Variants in LRRC28 observed in about 807,000 individuals in gnomAD.
LRRC28 encodes leucine rich repeat containing 28.
A neutral mutation model predicts 45.7 loss-of-function variants in LRRC28; 39 were observed. The ratio of observed to expected loss-of-function variants is 0.85; its 90% CI spans 0.66 to 1.12. The LOEUF (loss-of-function observed/expected upper bound fraction) is 1.12. Among genes scored for constraint, LRRC28 ranks in the 50% most tolerant of loss-of-function variants. LRRC28 has a pLI of 0.00. For missense variants in LRRC28, 435 were observed against 438.5 expected (o/e 0.99, Z 0.07); for synonymous variants, 206 against 178.8 (o/e 1.15, Z -1.22).
intron 9 of LRRC28, among the ~76,000 whole-genome samples, chr15:99,377,809 C>G (rs1378069856): frequency 3.9e-5 from 6 of 152,190 alleles, no homozygotes; most frequent in East Asian, 1.9e-4. Flanking sequence ...AATCCTTTCC[C>G]CATTTCTTGT....
rs537775315 is a variant in LRRC28, at chr15:99,262,544, T to A, written c.168+6419T>A. The stretch of plus-strand genomic sequence containing the variant: ...TTGCAGTGAGCTGCAATTGTGCCAC[T>A]GCACGCCAGCCTGGACAACAGAGTG... On this transcript the variant is annotated intron_variant, in intron 2 of 9. Transcript: ENST00000301981. 2.6e-5 allele frequency among the ~76,000 whole-genome samples: 4 copies of A among 152,318 alleles called. No homozygotes were observed. The South Asian group carries it at 8.3e-4, about 32-fold the overall frequency.
At position 99,334,085 on chromosome 15, in the gene LRRC28, A is replaced by G. The variant is rs745644243; in HGVS notation, c.548A>G (p.Asn183Ser). ...CATCTCTGCCAGCTGCCCAGCCTCA[A>G]TGAGCTCTCCATGGCTGGAAACCGT... Reference protein sequence around the residue: ...PRHLCQLPSLNELSMAGNRLA... With the variant: ...PRHLCQLPSLSELSMAGNRLA... Residue 183 changes from asparagine to serine, a missense_variant, in exon 6 of 10, where the codon AAT (asparagine) becomes AGT (serine). Physicochemically the swap from Asn to Ser is conservative, Grantham distance 46 (BLOSUM62 1). Coordinates refer to ENST00000301981, the MANE Select transcript of LRRC28 (RefSeq NM_144598.5). 16 of 1,614,022 alleles carry G rather than the reference A, an allele frequency of 9.9e-6. No homozygotes were observed. The highest frequency in any genetic ancestry group is 1.6e-4 in the Middle Eastern group (1 of 6,084).
Position 99,387,703 on chromosome 15 carries a change from T to C in LRRC28, c.*1601T>C, listed in dbSNP as rs1400182113. On this transcript the variant is annotated 3_prime_UTR_variant, in exon 10 of 10. Transcript: ENST00000301981. ...GTGATTCTTTTTTTAAAATGTTTTT[T>C]AATGATGTAAGTTTTCTAAAAGGCA... The C allele has an allele frequency of 2.6e-5, 4 of 152,252 alleles. No individual in the cohort carries two copies. The highest frequency in any genetic ancestry group is 4.8e-5 in the African/African-American group (2 of 41,470). The allele number at this position is 152,252 out of a possible 1,614,324, so 9.4% of individuals were successfully genotyped here.
chr15:99,285,173 T>A, intron 3 of LRRC28: 1 of 726,084 alleles, frequency 1.4e-6, no homozygotes, highest in South Asian at 1.3e-5. Context: ...CAGTCAGTCA[T>A]GATTTCAATC....
chr15:99,347,445 G>A (rs948410868), intron 6 of LRRC28, among the ~76,000 whole-genome samples: 3 of 152,166 alleles, frequency 2.0e-5, no homozygotes, highest in Non-Finnish European at 4.4e-5. Context: ...CTGACCTCGT[G>A]ATCTGCCCGC....
intron 5 of LRRC28, among the ~76,000 whole-genome samples, chr15:99,321,970 A>G (rs1404507972): frequency 6.6e-6 from 1 of 152,226 alleles, no homozygotes; most frequent in Non-Finnish European, 1.5e-5. Flanking sequence ...GCTTGAAGTC[A>G]GGGAAGGCCT....
chr15:99,366,237 T>C (rs1957336880), intron 9 of LRRC28, among the ~76,000 whole-genome samples: 1 of 152,222 alleles, frequency 6.6e-6, no homozygotes. Context: ...GGGAGGGATC[T>C]GTTCCAGGCC....
At chr15:99,315,564 A>G (rs539540154) in intron 5 of LRRC28, among the ~76,000 whole-genome samples, 81 of 152,328 alleles carry the variant, frequency 5.3e-4, no homozygotes, top group Admixed American at 1.2e-3. Context: ...AGAGACTCAT[A>G]TGCTGTCCAT....
At position 99,386,144 on chromosome 15, in the gene LRRC28, G is replaced by A. The variant is rs768575343; in HGVS notation, c.*42G>A. ...TCAGGAGCGCTGCCAGCTTGACACT[G>A]GGGAATCCAGCCAGTCCAGCACACT... On this transcript the variant is annotated 3_prime_UTR_variant, in exon 10 of 10. Coordinates refer to ENST00000301981, the MANE Select transcript of LRRC28 (RefSeq NM_144598.5). The A allele has an allele frequency of 6.0e-6, 9 of 1,495,102 alleles. No individual in the cohort carries two copies. The highest frequency in any genetic ancestry group is 2.8e-5 in the African/African-American group (2 of 72,420). 92.6% of individuals were successfully genotyped at this position (1,495,102 alleles called of 1,614,324 possible).
Position 99,256,034 on chromosome 15 carries a change from A to T in LRRC28, c.77A>T (p.Asn26Ile). ...KHKNLFLNYRNLHHFPLELLK... is the reference protein window; with the variant it reads ...KHKNLFLNYRILHHFPLELLK... ...AAGAATTTGTTCTTAAATTATAGGA[A>T]TCTGCACCATTTTCCATTGGAGTTA... Residue 26 changes from asparagine (N) to isoleucine (I), a missense_variant, in exon 2 of 10, where the codon AAT becomes ATT. Physicochemically the swap from Asn to Ile is moderately radical, Grantham distance 149. Coordinates refer to ENST00000301981, the MANE Select transcript of LRRC28 (RefSeq NM_144598.5). 1 of 1,613,910 alleles carries T rather than the reference A, an allele frequency of 6.2e-7. No individual in the cohort carries two copies. The highest frequency in any genetic ancestry group is 8.5e-7 in the Non-Finnish European group (1 of 1,179,996).
intron 5 of LRRC28, among the ~76,000 whole-genome samples, chr15:99,307,875 A>T (rs923542168): frequency 6.6e-6 from 1 of 152,178 alleles, no homozygotes; most frequent in African/African-American, 2.4e-5. Flanking sequence ...TCCATTCTGG[A>T]TGTGAGGGGA....
chr15:99,256,844 T>G (rs935271901), intron 2 of LRRC28, among the ~76,000 whole-genome samples: 2 of 152,246 alleles, frequency 1.3e-5, no homozygotes, highest in Admixed American at 1.3e-4. Context: ...TATTATTTAT[T>G]GTAAAATTTG....
At chr15:99,358,723 GA>G (rs569070854) in intron 7 of LRRC28, among the ~76,000 whole-genome samples, 1 of 146,960 alleles carries the variant, frequency 6.8e-6, no homozygotes, top group Admixed American at 6.8e-5. Flanking sequence ...TTTCCATTTG[GA>G]AAAAAAAAGC....
chr15:99,303,602 G>A (rs564441173), intron 5 of LRRC28, among the ~76,000 whole-genome samples: 5 of 152,288 alleles, frequency 3.3e-5, no homozygotes, highest in African/African-American at 1.2e-4. Flanking sequence ...GGGAGGCCGA[G>A]GTGGGAGGAT....
At chr15:99,257,693 TGTTGATGAA>T in intron 2 of LRRC28, 1 of 762,836 alleles carries the variant, frequency 1.3e-6, no homozygotes, top group Non-Finnish European at 2.4e-6. Context: ...CGGTCAGAGC[TGTTGATGAA>T]GTTGATGTGG....
At chr15:99,298,643 T>C (rs1401605064) in intron 5 of LRRC28, among the ~76,000 whole-genome samples, 2 of 152,144 alleles carry the variant, frequency 1.3e-5, no homozygotes, top group Non-Finnish European at 2.9e-5. Context: ...ATAGAAGTGT[T>C]TTTAATCTTT....
At chr15:99,267,403 C>T (rs1231634662) in intron 2 of LRRC28, among the ~76,000 whole-genome samples, 1 of 152,106 alleles carries the variant, frequency 6.6e-6, no homozygotes, top group African/African-American at 2.4e-5. Flanking sequence ...AAACCGGGAG[C>T]GGGAATTAAG....
At chr15:99,303,679 C>T (rs374641817) in intron 5 of LRRC28, among the ~76,000 whole-genome samples, 1 of 151,900 alleles carries the variant, frequency 6.6e-6, no homozygotes, top group African/African-American at 2.4e-5. Context: ...ACTAAAAATA[C>T]AAAAATTAGC....
intron 9 of LRRC28, among the ~76,000 whole-genome samples, chr15:99,364,485 A>C (rs965321737): frequency 1.3e-5 from 2 of 152,152 alleles, no homozygotes; most frequent in Non-Finnish European, 2.9e-5. Context: ...CTAATTTGCT[A>C]CTTCTAAGGT....
Sources: gnomAD v4.1 joint callset for allele counts (sites outside exome capture counted in the v4.1 genomes callset) on GRCh38, gnomAD v4.1.1 for gene constraint, MANE v1.5 for transcripts, NCBI Gene and HGNC (gene_info 2026-07-23, HGNC 2026-07-21) for gene names.